HERC3: variants seen among roughly 807,000 people sequenced by gnomAD.
The protein encoded by HERC3 is HECT and RLD domain containing E3 ubiquitin protein ligase 3, also known as probable E3 ubiquitin-protein ligase HERC3.
HERC3 carries 58 observed loss-of-function variants against 129.9 expected under a neutral mutation model. The ratio of observed to expected loss-of-function variants is 0.45; its 90% CI spans 0.36 to 0.56. The LOEUF is 0.56. Among genes scored for constraint, HERC3 ranks in the 20% least tolerant of loss-of-function variants. HERC3 has a pLI of 0.00. For synonymous variants in HERC3, 430 were observed against 451.0 expected (o/e 0.95, Z 0.59); for missense variants, 835 against 1,244.2 (o/e 0.67, Z 4.95).
At chr4:88,626,330 C>T (rs946637724) in intron 3 of HERC3, among the ~76,000 whole-genome samples, 3 of 152,042 alleles carry the variant, frequency 2.0e-5, no homozygotes, top group African/African-American at 7.2e-5. Flanking sequence ...TACAGGTGTG[C>T]ACCACTGTGC....
rs375684975 is a variant in HERC3, at chr4:88,655,325, G to A, written c.908+21G>A. On this transcript the variant is annotated intron_variant, in intron 8 of 25. Transcript: ENST00000402738. The stretch of plus-strand genomic sequence containing the variant: ...GGCAGGTGAGTGTTCCTCAAAGCTT[G>A]CTTGTATTCACTAGGACCCAGAAAT... The A allele has an allele frequency of 1.9e-6, 3 of 1,611,910 alleles. No individual in the cohort carries two copies. In the African/African-American group the frequency reaches 4.0e-5, roughly 22 times the overall value.
At chr4:88,526,197 T>C in the HERC3 span, among the ~76,000 whole-genome samples, 1 of 152,226 alleles carries the variant, frequency 6.6e-6, no homozygotes, top group African/African-American at 2.4e-5. Context: ...AAGGTACTTC[T>C]GGGACACTCT....
the HERC3 span, among the ~76,000 whole-genome samples, chr4:88,551,399 A>C: frequency 6.7e-6 from 1 of 148,882 alleles, no homozygotes; most frequent in Non-Finnish European, 1.5e-5. Context: ...CAAAGGGCTA[A>C]TATCCAGAAT....
chr4:88,533,766 G>C, the HERC3 span, among the ~76,000 whole-genome samples: 1 of 152,112 alleles, frequency 6.6e-6, no homozygotes. Flanking sequence ...TTCATACATA[G>C]TCCTAATTTC....
At chr4:88,566,917 G>T in the HERC3 span, among the ~76,000 whole-genome samples, 27 of 152,148 alleles carry the variant, frequency 1.8e-4, no homozygotes, top group African/African-American at 6.3e-4. Flanking sequence ...AGCCTCTCAA[G>T]TTTCTAGGAC....
the HERC3 span, among the ~76,000 whole-genome samples, chr4:88,539,143 G>A: frequency 1.3e-5 from 2 of 152,194 alleles, no homozygotes; most frequent in African/African-American, 2.4e-5. Flanking sequence ...AGCGCAAGGT[G>A]TCAGGGGATT....
At chr4:88,624,214 A>G (rs573777041) in intron 3 of HERC3, among the ~76,000 whole-genome samples, 3 of 152,324 alleles carry the variant, frequency 2.0e-5, no homozygotes, top group Admixed American at 2.0e-4. Context: ...GTTTCGAATA[A>G]AACTGTTATG....
At chr4:88,629,816 G>A (rs955186136) in intron 3 of HERC3, among the ~76,000 whole-genome samples, 1 of 152,124 alleles carries the variant, frequency 6.6e-6, no homozygotes, top group Non-Finnish European at 1.5e-5. Flanking sequence ...TAAATGCAAA[G>A]TCAAATATGG....
intron 3 of HERC3, among the ~76,000 whole-genome samples, chr4:88,646,462 A>G (rs138617475): frequency 4.3e-4 from 65 of 152,320 alleles, no homozygotes; most frequent in Non-Finnish European, 9.3e-4. Context: ...GAGTTTTAAA[A>G]ACTTTAAAGT....
At chr4:88,549,807 C>T in the HERC3 span, among the ~76,000 whole-genome samples, 17 of 151,792 alleles carry the variant, frequency 1.1e-4, no homozygotes, top group South Asian at 2.1e-4. Context: ...TAGGTTCAAG[C>T]GATTATCCTG....
chr4:88,551,627 G>C, the HERC3 span, among the ~76,000 whole-genome samples: 2 of 152,026 alleles, frequency 1.3e-5, no homozygotes, highest in African/African-American at 4.8e-5. Context: ...TAAAAAGTCA[G>C]GAAAAAACAG....
chr4:88,682,738 T>C (rs552431511), intron 21 of HERC3, among the ~76,000 whole-genome samples: 2 of 152,166 alleles, frequency 1.3e-5, no homozygotes, highest in Non-Finnish European at 2.9e-5. Context: ...GACATTTGGG[T>C]TGATTCCAAG....
At chr4:88,565,982 A>T in the HERC3 span, among the ~76,000 whole-genome samples, 1 of 149,966 alleles carries the variant, frequency 6.7e-6, no homozygotes, top group South Asian at 2.1e-4. Context: ...CTTTTTTTTA[A>T]CTTTTATTTT....
chr4:88,640,552 C>T (rs1424748513), intron 3 of HERC3, among the ~76,000 whole-genome samples: 2 of 152,074 alleles, frequency 1.3e-5, no homozygotes, highest in African/African-American at 2.4e-5. Context: ...GGCAGGGGAA[C>T]AACATACAGT....
At chr4:88,568,879 G>C in the HERC3 span, among the ~76,000 whole-genome samples, 2 of 151,732 alleles carry the variant, frequency 1.3e-5, no homozygotes, top group African/African-American at 4.8e-5. Context: ...CTCTCCTCAA[G>C]CAGAAAGAAG....
the HERC3 span, among the ~76,000 whole-genome samples, chr4:88,578,676 AAGG>A: frequency 6.6e-6 from 1 of 152,186 alleles, no homozygotes; most frequent in African/African-American, 2.4e-5. Context: ...TAAGAAGAAA[AAGG>A]AGGAGGAGGT....
chr4:88,628,649 T>C (rs576847170), intron 3 of HERC3, among the ~76,000 whole-genome samples: 9 of 152,354 alleles, frequency 5.9e-5, no homozygotes, highest in African/African-American at 2.2e-4. Context: ...TCACATTTGC[T>C]GTAGAAATTG....
chr4:88,559,960 A>AATT, the HERC3 span, among the ~76,000 whole-genome samples: 5,624 of 119,546 alleles, frequency 0.047, 360 homozygotes, highest in African/African-American at 0.14. Flanking sequence ...GTTATTTTTG[A>AATT]TTTTTTTTTT....
At chr4:88,671,427 G>A (rs1731599448) in intron 16 of HERC3, among the ~76,000 whole-genome samples, 1 of 152,170 alleles carries the variant, frequency 6.6e-6, no homozygotes, top group South Asian at 2.1e-4. Context: ...AATAGATGAT[G>A]AATGCTAGAC....
Sources: allele counts gnomAD v4.1 joint callset (sites outside exome capture counted in the v4.1 genomes callset), GRCh38; gene constraint gnomAD v4.1.1; transcripts MANE v1.5; gene names NCBI Gene and HGNC (gene_info 2026-07-23, HGNC 2026-07-21).